The following NRG1 variants were observed in gnomAD, a reference collection of about 807,000 sequenced individuals.
NRG1 encodes the protein pro-neuregulin-1, membrane-bound isoform.
Under a neutral mutation model 63.8 loss-of-function variants are expected in NRG1, and 18 were observed. That is an observed-to-expected ratio of 0.28 (90% confidence interval 0.19 to 0.42). The LOEUF (loss-of-function observed/expected upper bound fraction) is 0.42, where lower values mean the gene tolerates loss of function less well. Ranked by LOEUF, NRG1 falls within the 10% of genes least tolerant of loss-of-function variation. NRG1 has a pLI of 1.00. For missense variants in NRG1, 762 were observed against 814.7 expected (o/e 0.94, Z 0.79); for synonymous variants, 302 against 301.3 (o/e 1.00, Z -0.02).
At chr8:31,653,771 C>G (rs967867958) in intron 1 of NRG1, among the ~76,000 whole-genome samples, 1 of 152,200 alleles carries the variant, frequency 6.6e-6, no homozygotes, top group Non-Finnish European at 1.5e-5. Flanking sequence ...TTAATGCTCA[C>G]TATGTCTTGT....
intron 1 of NRG1, among the ~76,000 whole-genome samples, chr8:32,469,864 T>A (rs1446929850): frequency 4.6e-5 from 7 of 152,094 alleles, no homozygotes; most frequent in East Asian, 1.9e-4. Flanking sequence ...ACTTTTTTGT[T>A]TGTTTGTTTT....
intron 1 of NRG1, among the ~76,000 whole-genome samples, chr8:31,706,773 C>T (rs907364267): frequency 6.6e-6 from 1 of 152,100 alleles, no homozygotes; most frequent in Non-Finnish European, 1.5e-5. Context: ...AAATTTTTAA[C>T]CTGTGCTTTT....
At chr8:32,285,899 A>G (rs1332012849) in intron 1 of NRG1, among the ~76,000 whole-genome samples, 1 of 152,208 alleles carries the variant, frequency 6.6e-6, no homozygotes, top group African/African-American at 2.4e-5. Flanking sequence ...TTAATTGACT[A>G]CAGACATATG....
intron 3 of NRG1, among the ~76,000 whole-genome samples, chr8:32,612,866 T>TC (rs1846613455): frequency 1.3e-5 from 2 of 152,178 alleles, no homozygotes; most frequent in African/African-American, 4.8e-5. Flanking sequence ...GAAGCATCTC[T>TC]CTTAGTGTAG....
At chr8:32,197,275 C>T (rs973028433) in intron 1 of NRG1, among the ~76,000 whole-genome samples, 54 of 152,188 alleles carry the variant, frequency 3.5e-4, no homozygotes, top group African/African-American at 1.3e-3. Flanking sequence ...AACATTCTTT[C>T]TTGGAAAGGA....
At chr8:32,681,979 G>T (rs1391188432) in intron 5 of NRG1, among the ~76,000 whole-genome samples, 1 of 152,110 alleles carries the variant, frequency 6.6e-6, no homozygotes, top group Non-Finnish European at 1.5e-5. Context: ...ATTCAGTGAG[G>T]ACCTGCTATG....
chr8:32,231,907 AAAATT>A (rs972575933), intron 1 of NRG1, among the ~76,000 whole-genome samples: 2 of 151,950 alleles, frequency 1.3e-5, no homozygotes, highest in Non-Finnish European at 2.9e-5. Context: ...AAAAAAAAAA[AAAATT>A]AAATTAAAGT....
intron 1 of NRG1, among the ~76,000 whole-genome samples, chr8:32,093,558 T>TA (rs1829493876): frequency 6.6e-6 from 1 of 152,178 alleles, no homozygotes; most frequent in Non-Finnish European, 1.5e-5. Flanking sequence ...TTTCACTATA[T>TA]AGGAACCGAC....
chr8:32,262,383 C>G (rs1850480194), intron 1 of NRG1, among the ~76,000 whole-genome samples: 1 of 152,078 alleles, frequency 6.6e-6, no homozygotes, highest in Non-Finnish European at 1.5e-5. Context: ...CAGGAGACCC[C>G]CCCAAAAAAT....
chr8:32,418,160 C>G (rs765187518), intron 1 of NRG1, among the ~76,000 whole-genome samples: 96 of 152,092 alleles, frequency 6.3e-4, no homozygotes, highest in Non-Finnish European at 1.9e-4. Flanking sequence ...ATTACAGTTA[C>G]TGGATCTAAA....
intron 1 of NRG1, among the ~76,000 whole-genome samples, chr8:31,852,074 T>G (rs1285742437): frequency 1.3e-5 from 2 of 151,306 alleles, no homozygotes; most frequent in African/African-American, 2.4e-5. Context: ...AACATACGTG[T>G]GCATGTGTCT....
intron 5 of NRG1, among the ~76,000 whole-genome samples, chr8:32,627,133 A>G (rs886906146): frequency 6.6e-6 from 1 of 152,018 alleles, no homozygotes; most frequent in African/African-American, 2.4e-5. Context: ...TCTACTTCAT[A>G]TTTATAGGTC....
intron 1 of NRG1, among the ~76,000 whole-genome samples, chr8:32,304,594 A>G (rs778476705): frequency 1.3e-5 from 1 of 77,266 alleles, no homozygotes; most frequent in Non-Finnish European, 3.9e-5. Flanking sequence ...TATTCTTAGT[A>G]AAAAAAATAT....
intron 1 of NRG1, among the ~76,000 whole-genome samples, chr8:32,113,448 T>C (rs1832301853): frequency 6.6e-6 from 1 of 152,152 alleles, no homozygotes; most frequent in Non-Finnish European, 1.5e-5. Context: ...GCAGCCCAGC[T>C]CCTCATGCTC....
At chr8:32,417,629 A>G (rs1816103384) in intron 1 of NRG1, among the ~76,000 whole-genome samples, 1 of 148,154 alleles carries the variant, frequency 6.7e-6, no homozygotes, top group Non-Finnish European at 1.5e-5. Flanking sequence ...ACATCTCTCC[A>G]TTTGATATAG....
intron 1 of NRG1, among the ~76,000 whole-genome samples, chr8:32,098,148 G>T (rs1218080220): frequency 1.3e-5 from 2 of 152,186 alleles, no homozygotes; most frequent in Admixed American, 1.3e-4. Context: ...AGGGCCTGAT[G>T]TCATAAAGGC....
intron 5 of NRG1, among the ~76,000 whole-genome samples, chr8:32,711,458 A>G (rs1219110513): frequency 6.6e-6 from 1 of 152,166 alleles, no homozygotes. Context: ...AGCAAAAGAC[A>G]TAACTTTACA....
intron 1 of NRG1, among the ~76,000 whole-genome samples, chr8:31,898,955 G>A (rs1397670593): frequency 6.6e-6 from 1 of 152,068 alleles, no homozygotes; most frequent in East Asian, 1.9e-4. Context: ...TCATTGAAGA[G>A]GTAGCTGCAA....
intron 1 of NRG1, among the ~76,000 whole-genome samples, chr8:32,552,576 G>T (rs1039707946): frequency 3.9e-5 from 6 of 152,082 alleles, no homozygotes; most frequent in Non-Finnish European, 5.9e-5. Flanking sequence ...TGCGTATAAA[G>T]TACCCTGACC....
Sources: allele counts gnomAD v4.1 joint callset (sites outside exome capture counted in the v4.1 genomes callset), GRCh38; gene constraint gnomAD v4.1.1; transcripts MANE v1.5; gene names NCBI Gene and HGNC (gene_info 2026-07-23, HGNC 2026-07-21).